JAM2: variants seen among roughly 807,000 people sequenced by gnomAD.
JAM2 encodes junctional adhesion molecule 2, also known as junctional adhesion molecule B.
JAM2 carries 17 observed loss-of-function variants against 42.0 expected under a neutral mutation model. The ratio of observed to expected loss-of-function variants is 0.40; its 90% CI spans 0.28 to 0.61. The LOEUF (loss-of-function observed/expected upper bound fraction) is 0.61. Among genes scored for constraint, JAM2 ranks in the 20% least tolerant of loss-of-function variants. JAM2 has a pLI of 0.37. For missense variants in JAM2, 319 were observed against 358.3 expected (o/e 0.89, Z 0.89); for synonymous variants, 118 against 128.6 (o/e 0.92, Z 0.56).
chr21:25,699,231 G>A (rs1381956089), intron 5 of JAM2, among the ~76,000 whole-genome samples: 1 of 152,124 alleles, frequency 6.6e-6, no homozygotes, highest in Non-Finnish European at 1.5e-5. Flanking sequence ...TAAGATTTTC[G>A]TAGACCCTAA....
chr21:25,645,382 T>C, intron 1 of JAM2, among the ~76,000 whole-genome samples: 1 of 152,186 alleles, frequency 6.6e-6, no homozygotes, highest in Non-Finnish European at 1.5e-5. Context: ...GAGAATTACA[T>C]GTATAACACA....
At chr21:25,647,876 C>A (rs1241083950) in intron 1 of JAM2, among the ~76,000 whole-genome samples, 1 of 152,136 alleles carries the variant, frequency 6.6e-6, no homozygotes, top group African/African-American at 2.4e-5. Flanking sequence ...TGGGCAAGTG[C>A]TAAATTTGAA....
chr21:25,698,584 T>A, intron 4 of JAM2, 93 bp from the exon 5 acceptor site: 1 of 1,074,024 alleles, frequency 9.3e-7, no homozygotes, highest in Admixed American at 2.2e-5. Flanking sequence ...ATTAAAACCA[T>A]TGATTGTAGA....
intron 3 of JAM2, among the ~76,000 whole-genome samples, chr21:25,690,199 G>A (rs1045900852): frequency 6.6e-6 from 1 of 152,164 alleles, no homozygotes; most frequent in Non-Finnish European, 1.5e-5. Flanking sequence ...TCTCAACTCA[G>A]GCATAAAGTA....
chr21:25,693,109 C>A (rs905023098), intron 3 of JAM2, among the ~76,000 whole-genome samples: 1 of 152,086 alleles, frequency 6.6e-6, no homozygotes, highest in African/African-American at 2.4e-5. Flanking sequence ...CAGTTATTAA[C>A]CTTACACATA....
Position 25,695,794 on chromosome 21 carries a change from C to T in JAM2, c.394+1886C>T, listed in dbSNP as rs1161763264. 1.1e-3 allele frequency among the ~76,000 whole-genome samples: 117 copies of T among 107,952 alleles called. No individual in the cohort carries two copies. The Middle Eastern group carries it at 0.023, about 21-fold the overall frequency. 70.8% of individuals were successfully genotyped at this position (107,952 alleles called of 152,430 possible). A position where few individuals can be genotyped will look rare whatever the true frequency, so the allele number is the denominator to read the frequency against. ...ACGCTCCTCACCTCCCAGACGGGGT[C>T]GCGGCCGGGCAGAGGCGCTCCTCAC... On this transcript the variant is annotated intron_variant, in intron 4 of 9. Transcript: ENST00000480456.
At chr21:25,666,278 A>G (rs2033217150) in intron 1 of JAM2, among the ~76,000 whole-genome samples, 2 of 149,014 alleles carry the variant, frequency 1.3e-5, no homozygotes, top group African/African-American at 5.0e-5. Flanking sequence ...TTGATTTTAT[A>G]GTAATAGAGA....
intron 7 of JAM2, 81 bp from the exon 8 acceptor site, chr21:25,709,352 TA>T (rs1310935217): frequency 1.3e-6 from 1 of 758,552 alleles, no homozygotes; most frequent in African/African-American, 1.7e-5. Flanking sequence ...AAAAATAAAT[TA>T]AACCCAAACT....
chr21:25,646,338 C>T (rs1257567042), intron 1 of JAM2, among the ~76,000 whole-genome samples: 1 of 152,110 alleles, frequency 6.6e-6, no homozygotes, highest in African/African-American at 2.4e-5. Flanking sequence ...ACTTTCTGTT[C>T]AGTTCCCAAC....
At chr21:25,640,449 A>T (rs1370467718) in intron 1 of JAM2, among the ~76,000 whole-genome samples, 2 of 152,220 alleles carry the variant, frequency 1.3e-5, no homozygotes, top group African/African-American at 2.4e-5. Flanking sequence ...GCACATCTAC[A>T]TTCACTTAGA....
intron 1 of JAM2, among the ~76,000 whole-genome samples, chr21:25,655,647 ATTTTTTTTTTTT>A (rs536746237): frequency 1.1e-5 from 1 of 90,782 alleles, no homozygotes; most frequent in East Asian, 3.8e-4. Flanking sequence ...CGCCCAGCTA[ATTTTTTTTTTTT>A]TTTTTTTTTT....
At chr21:25,700,297 TC>T (rs1382761113) in intron 5 of JAM2, among the ~76,000 whole-genome samples, 1 of 150,836 alleles carries the variant, frequency 6.6e-6, no homozygotes, top group African/African-American at 2.5e-5. Context: ...CAACGCAGAA[TC>T]ACTATGACAG....
At chr21:25,667,966 G>A (rs2033265290) in intron 1 of JAM2, among the ~76,000 whole-genome samples, 1 of 152,224 alleles carries the variant, frequency 6.6e-6, no homozygotes, top group Non-Finnish European at 1.5e-5. Flanking sequence ...CTGAAGGTGA[G>A]CTGAAATATT....
At chr21:25,678,553 G>A (rs1433045523) in intron 1 of JAM2, among the ~76,000 whole-genome samples, 1 of 152,190 alleles carries the variant, frequency 6.6e-6, no homozygotes, top group Non-Finnish European at 1.5e-5. Context: ...AAGCAAAAGA[G>A]TTCTTTTGAA....
rs2123417531 is a variant in JAM2, at chr21:25,709,540, G to A, written c.821+91G>A. The A allele has an allele frequency of 4.9e-6, 4 of 823,376 alleles. No individual in the cohort carries two copies. In the East Asian group the frequency reaches 9.9e-5, roughly 20 times the overall value. The allele number at this position is 823,376 out of a possible 1,614,324, so 51.0% of individuals were successfully genotyped here. A position where few individuals can be genotyped will look rare whatever the true frequency, so the allele number is the denominator to read the frequency against. On this transcript the variant is annotated intron_variant, in intron 8 of 9. Transcript: ENST00000480456. ...TTTAAAGTCAAAAGAGAGAAGTTGG[G>A]TTATTTGTGTAGGTTTACTCTCACA...
chr21:25,698,340 G>A (rs2034086036), intron 4 of JAM2, among the ~76,000 whole-genome samples: 1 of 152,206 alleles, frequency 6.6e-6, no homozygotes, highest in South Asian at 2.1e-4. Flanking sequence ...AGTTGCAGGG[G>A]GTGGAGGATA....
chr21:25,654,647 CA>C (rs34222589), intron 1 of JAM2, among the ~76,000 whole-genome samples: 3,567 of 91,578 alleles, frequency 0.039, 107 homozygotes, highest in African/African-American at 0.12. Flanking sequence ...GACTTTCTCT[CA>C]AAAAAAAAAA....
Position 25,641,462 on chromosome 21 carries a change from A to G in JAM2, c.67+1574A>G, listed in dbSNP as rs571933438. On this transcript the variant is annotated intron_variant, in intron 1 of 9. Transcript: ENST00000480456. ...AGTGACCTCTTCAAGCTTTAGGTAAATATAACACATTGTCTCTGCTAAACT... is the reference window on the plus strand; with the variant it reads ...AGTGACCTCTTCAAGCTTTAGGTAAGTATAACACATTGTCTCTGCTAAACT... 3.9e-5 allele frequency among the ~76,000 whole-genome samples: 6 copies of G among 152,316 alleles called. No homozygotes were observed. In the South Asian group the frequency reaches 1.2e-3, roughly 32 times the overall value.
intron 8 of JAM2, among the ~76,000 whole-genome samples, chr21:25,710,611 T>C (rs2034363825): frequency 6.6e-6 from 1 of 152,040 alleles, no homozygotes; most frequent in African/African-American, 2.4e-5. Context: ...AATTGAAAGA[T>C]CCTGAGGCCA....
Sources: gnomAD v4.1 joint callset for allele counts (sites outside exome capture counted in the v4.1 genomes callset) on GRCh38, gnomAD v4.1.1 for gene constraint, MANE v1.5 for transcripts, NCBI Gene and HGNC (gene_info 2026-07-23, HGNC 2026-07-21) for gene names.